PXDNL: variants seen among roughly 807,000 people sequenced by gnomAD.
The protein encoded by PXDNL is peroxidasin like.
PXDNL carries 145 observed loss-of-function variants against 150.8 expected under a neutral mutation model. The ratio of observed to expected loss-of-function variants is 0.96; its 90% confidence interval spans 0.84 to 1.10. PXDNL has a LOEUF of 1.10. Among genes scored for constraint, PXDNL ranks in the 50% least tolerant of loss-of-function variants. The pLI, the probability that PXDNL is intolerant of heterozygous loss-of-function variation, is 0.00. For missense variants in PXDNL, 2,087 were observed against 1,873.9 expected (o/e 1.11, Z -2.10); for synonymous variants, 757 against 725.7 (o/e 1.04, Z -0.69).
At chr8:51,798,664 T>A (rs139962680) in intron 1 of PXDNL, among the ~76,000 whole-genome samples, 1,866 of 152,270 alleles carry the variant, frequency 0.012, 29 homozygotes, top group Middle Eastern at 0.041. Context: ...GTGGTGATTA[T>A]TAAAAAGTCA....
intron 2 of PXDNL, among the ~76,000 whole-genome samples, chr8:51,621,420 C>A (rs1468853147): frequency 6.7e-6 from 1 of 149,416 alleles, no homozygotes; most frequent in Non-Finnish European, 1.5e-5. Flanking sequence ...TATAAAATAA[C>A]ATTACAAAAG....
chr8:51,639,131 T>C (rs1017042708), intron 2 of PXDNL, among the ~76,000 whole-genome samples: 2 of 152,090 alleles, frequency 1.3e-5, no homozygotes, highest in African/African-American at 4.8e-5. Flanking sequence ...AAGGCAGAAA[T>C]AAAGATGTTC....
chr8:51,501,423 C>A (rs2130295612), intron 4 of PXDNL, among the ~76,000 whole-genome samples: 1 of 144,310 alleles, frequency 6.9e-6, no homozygotes, highest in East Asian at 1.9e-4. Context: ...CTCCCTCATA[C>A]CCACACATGC....
intron 14 of PXDNL, 75 bp downstream of exon 14, chr8:51,423,500 A>C: frequency 8.3e-7 from 1 of 1,211,022 alleles, no homozygotes; most frequent in Non-Finnish European, 1.2e-6. Context: ...TAGTGAGATC[A>C]GTCAAATAGG....
chr8:51,747,706 C>A (rs947459352), intron 1 of PXDNL, among the ~76,000 whole-genome samples: 1 of 152,296 alleles, frequency 6.6e-6, no homozygotes, highest in East Asian at 1.9e-4. Flanking sequence ...AGTTCAAGTA[C>A]AATTAGCTGG....
In PXDNL at chr8:51,449,202, T is replaced by C. The variant is rs1182816866; in HGVS notation, c.1250-84A>G. 7 of 715,430 alleles carry C rather than the reference T, an allele frequency of 9.8e-6. No individual in the cohort carries two copies. The East Asian group carries it at 1.9e-4, about 19-fold the overall frequency. The allele number at this position is 715,430 out of a possible 1,614,324, so 44.3% of individuals were successfully genotyped here. A position where few individuals can be genotyped will look rare whatever the true frequency, so the allele number is the denominator to read the frequency against. The stretch of plus-strand genomic sequence containing the variant: ...ATAGAAAAAAGAAAATGTCTTCAAA[T>C]ATGTCATGTGATCAGAATTTGTTTA... On this transcript the variant is annotated intron_variant, in intron 10 of 22. Transcript: ENST00000356297.
At chr8:51,410,236 T>G (rs1447861093) in intron 16 of PXDNL, among the ~76,000 whole-genome samples, 1 of 152,230 alleles carries the variant, frequency 6.6e-6, no homozygotes, top group Non-Finnish European at 1.5e-5. Context: ...GGGACATGCT[T>G]GGAGCTCTAC....
At chr8:51,377,143 C>CACACACACACACACACACAA (rs966278135) in intron 17 of PXDNL, among the ~76,000 whole-genome samples, 2 of 149,252 alleles carry the variant, frequency 1.3e-5, no homozygotes, top group African/African-American at 5.1e-5. Flanking sequence ...CACACACACA[C>CACACACACACACACACACAA]AAAGCCAAAG....
chr8:51,629,151 AGAACAATGTAT>A (rs1239610126), intron 2 of PXDNL, among the ~76,000 whole-genome samples: 1 of 152,220 alleles, frequency 6.6e-6, no homozygotes, highest in African/African-American at 2.4e-5. Context: ...AGGAAACTGG[AGAACAATGTAT>A]GAACAAATAG....
Position 51,739,639 on chromosome 8 carries a change from C to A in PXDNL, c.164+69542G>T, listed in dbSNP as rs372552372. ...CCTGTAATCCCAGCACTTTGGGAGG[C>A]CGAGGCGGGTGGATCACAAGGTCAG... On this transcript the variant is annotated intron_variant, in intron 1 of 22. Coordinates refer to ENST00000356297, the MANE Select transcript of PXDNL (RefSeq NM_144651.5). Among the ~76,000 whole-genome samples the A allele has an allele frequency of 1.1e-3, 161 of 152,118 alleles. 5 individuals carry two copies. The South Asian group carries it at 0.029, about 27-fold the overall frequency.
In PXDNL at chr8:51,592,687, T is replaced by C. The variant is rs1159352168; in HGVS notation, c.248A>G (p.Asn83Ser). Residue 83 changes from asparagine (N) to serine (S), a missense_variant, in exon 3 of 23, where the codon AAC becomes AGC. Asn to Ser is a conservative substitution (Grantham distance 46). Coordinates refer to ENST00000356297, the MANE Select transcript of PXDNL (RefSeq NM_144651.5). Reference protein sequence around the residue: ...LKNLNTLLLNNNHIRKISRNA... With the variant: ...LKNLNTLLLNSNHIRKISRNA... ...TCTGGAAATCTTTCTGATGTGGTTGTTGTTCAGCAGACTGAAAAAGCAAAA... is the reference window on the plus strand; with the variant it reads ...TCTGGAAATCTTTCTGATGTGGTTGCTGTTCAGCAGACTGAAAAAGCAAAA... 6.5e-7 allele frequency: 1 copy of C among 1,547,566 alleles called. No homozygotes were observed. Among genetic ancestry groups the C allele is most frequent in the Non-Finnish European group, 8.7e-7 (1 of 1,146,082 alleles).
chr8:51,408,948 GGC>G lies in PXDNL; in HGVS notation c.2674_2675del (p.Ala892LeufsTer128), dbSNP rs769769541. 16 of 1,612,882 alleles carry G rather than the reference GGC, an allele frequency of 9.9e-6. No individual in the cohort carries two copies. The highest frequency in any genetic ancestry group is 1.2e-5 in the Non-Finnish European group (14 of 1,179,854). On this transcript the variant is annotated frameshift_variant, in exon 17 of 23. Coordinates refer to ENST00000356297, the MANE Select transcript of PXDNL (RefSeq NM_144651.5). LOFTEE classifies it high-confidence loss of function. ...CGTAAACGTTGGAGCCATCGATGTA[GGC>G]TGTTTGCTGGTTGATCTGCTCTCGT... is the stretch of plus-strand genomic sequence containing the variant. ...YAREQINQQT[A>X]YIDGSNVYGS... is the part of the protein sequence containing the mutation.
At chr8:51,364,321 A>G (rs1283360690) in intron 19 of PXDNL, among the ~76,000 whole-genome samples, 1 of 152,196 alleles carries the variant, frequency 6.6e-6, no homozygotes, top group Non-Finnish European at 1.5e-5. Flanking sequence ...TCATGACCTC[A>G]CAACTCAGAA....
intron 1 of PXDNL, among the ~76,000 whole-genome samples, chr8:51,666,205 T>C (rs1038944317): frequency 2.6e-5 from 4 of 152,174 alleles, no homozygotes; most frequent in African/African-American, 9.6e-5. Context: ...CATTTGATCA[T>C]GTTAGCTCCC....
At chr8:51,639,689 G>C (rs1269605173) in intron 2 of PXDNL, among the ~76,000 whole-genome samples, 1 of 152,046 alleles carries the variant, frequency 6.6e-6, no homozygotes, top group Admixed American at 6.6e-5. Context: ...AGTAACAGGA[G>C]CTGAAATTGT....
At chr8:51,381,619 T>A (rs1297123148) in intron 17 of PXDNL, among the ~76,000 whole-genome samples, 1 of 144,772 alleles carries the variant, frequency 6.9e-6, no homozygotes, top group Non-Finnish European at 1.5e-5. Flanking sequence ...ATATGACTGG[T>A]GTCTTTATTT....
intron 1 of PXDNL, among the ~76,000 whole-genome samples, chr8:51,778,306 TAAAC>T (rs1482497606): frequency 6.6e-5 from 10 of 151,646 alleles, no homozygotes; most frequent in Non-Finnish European, 1.5e-4. Context: ...AATTAATAAA[TAAAC>T]AAAACCAGTG....
At chr8:51,327,965 C>T (rs935421830) in intron 21 of PXDNL, among the ~76,000 whole-genome samples, 1 of 152,216 alleles carries the variant, frequency 6.6e-6, no homozygotes, top group African/African-American at 2.4e-5. Flanking sequence ...GGTGGGAACA[C>T]CCTGATGGTT....
intron 3 of PXDNL, among the ~76,000 whole-genome samples, chr8:51,576,132 G>A (rs1475789488): frequency 7.5e-6 from 1 of 133,678 alleles, no homozygotes; most frequent in African/African-American, 2.8e-5. Context: ...AATCACCCAA[G>A]AAATAGAAGA....
Sources: gnomAD v4.1 joint callset for allele counts (sites outside exome capture counted in the v4.1 genomes callset) on GRCh38, gnomAD v4.1.1 for gene constraint, MANE v1.5 for transcripts, NCBI Gene and HGNC (gene_info 2026-07-23, HGNC 2026-07-21) for gene names.